RNF111: variants seen among roughly 807,000 people sequenced by gnomAD.
RNF111 encodes E3 ubiquitin-protein ligase Arkadia.
RNF111 carries 17 observed loss-of-function variants against 95.1 expected under a neutral mutation model. That is an observed-to-expected ratio of 0.18 (90% CI 0.12 to 0.27). The LOEUF (loss-of-function observed/expected upper bound fraction) is 0.27. Among genes scored for constraint, RNF111 ranks in the 10% least tolerant of loss-of-function variants. The probability of loss-of-function intolerance (pLI) is 1.00; values close to 1 mark genes in which losing one functional copy is unlikely to be tolerated. For missense variants in RNF111, 1,189 were observed against 1,210.4 expected (o/e 0.98, Z 0.26); for synonymous variants, 440 against 414.8 (o/e 1.06, Z -0.74).
intron 5 of RNF111, among the ~76,000 whole-genome samples, chr15:59,059,373 ATGTAGAGAAAT>A (rs2042337956): frequency 6.6e-6 from 1 of 152,202 alleles, no homozygotes; most frequent in Admixed American, 6.5e-5. Context: ...GTTGGCAAGG[ATGTAGAGAAAT>A]TGGAACCCTT....
chr15:59,043,729 G>A (rs571740078), intron 2 of RNF111, among the ~76,000 whole-genome samples: 1 of 152,146 alleles, frequency 6.6e-6, no homozygotes, highest in Admixed American at 6.5e-5. Context: ...AGAGTCATTT[G>A]CTTATACCTT....
At chr15:59,090,244 T>G (rs544557881) in intron 11 of RNF111, among the ~76,000 whole-genome samples, 40 of 150,968 alleles carry the variant, frequency 2.6e-4, no homozygotes, top group Admixed American at 7.9e-4. Flanking sequence ...TGTTGTTGTT[T>G]TTTTAGATGG....
intron 1 of RNF111, among the ~76,000 whole-genome samples, chr15:59,026,833 C>T (rs1350663932): frequency 6.6e-6 from 1 of 152,108 alleles, no homozygotes; most frequent in Non-Finnish European, 1.5e-5. Flanking sequence ...ATTAATTTTG[C>T]ATTTAATGAC....
At chr15:59,080,883 T>C in intron 7 of RNF111, 53 bp from the exon 8 acceptor site, 1 of 1,326,378 alleles carries the variant, frequency 7.5e-7, no homozygotes. Flanking sequence ...AATAGCAATA[T>C]ATGTTCAACT....
chr15:59,024,931 CTTG>C (rs1229431668), intron 1 of RNF111, among the ~76,000 whole-genome samples: 3 of 152,160 alleles, frequency 2.0e-5, no homozygotes, highest in Non-Finnish European at 2.9e-5. Context: ...CAATATTTGT[CTTG>C]TTGTGTCTTC....
intron 5 of RNF111, among the ~76,000 whole-genome samples, chr15:59,064,257 C>T (rs542544084): frequency 1.8e-4 from 27 of 152,096 alleles, no homozygotes; most frequent in African/African-American, 5.3e-4. Flanking sequence ...ATAATCTGGC[C>T]GGGCGTGGTG....
chr15:59,008,522 C>T (rs1327242549), intron 1 of RNF111, among the ~76,000 whole-genome samples: 2 of 152,122 alleles, frequency 1.3e-5, no homozygotes, highest in Non-Finnish European at 2.9e-5. Flanking sequence ...CTCAGCCTAC[C>T]ACCATTTGTT....
At chr15:59,060,048 T>C (rs1417117836) in intron 5 of RNF111, among the ~76,000 whole-genome samples, 3 of 152,152 alleles carry the variant, frequency 2.0e-5, no homozygotes, top group African/African-American at 7.2e-5. Flanking sequence ...CTCAAGGAGA[T>C]TTCCCAGGAG....
intron 5 of RNF111, among the ~76,000 whole-genome samples, 153 bp from the exon 6 acceptor site, chr15:59,066,611 A>G (rs918390031): frequency 6.6e-6 from 1 of 151,246 alleles, no homozygotes; most frequent in Non-Finnish European, 1.5e-5. Flanking sequence ...CTCCATCTCA[A>G]AAAAAAAAGA....
At chr15:59,053,474 A>G (rs568853032) in intron 3 of RNF111, among the ~76,000 whole-genome samples, 2 of 152,326 alleles carry the variant, frequency 1.3e-5, no homozygotes, top group Admixed American at 6.5e-5. Flanking sequence ...TTAAAAGTAT[A>G]TATTCATATT....
At chr15:59,052,164 T>G (rs974948738) in intron 2 of RNF111, 141 bp from the exon 3 acceptor site, 1 of 692,400 alleles carries the variant, frequency 1.4e-6, no homozygotes, top group Admixed American at 2.9e-5. Flanking sequence ...TCCTTGTGTA[T>G]TTTTTTAAAA....
Position 59,058,485 on chromosome 15 carries a change from C to A in RNF111, c.1301C>A (p.Pro434His), listed in dbSNP as rs1213989153. The A allele has an allele frequency of 2.5e-6, 4 of 1,613,982 alleles. No homozygotes were observed. The highest frequency in any genetic ancestry group is 1.3e-5 in the African/African-American group (1 of 74,916). ...DTASAVTSSQ[P>H]STVSETSATL... is the part of the protein sequence containing the mutation. The stretch of plus-strand genomic sequence containing the variant: ...GCTTCAGCTGTCACCAGTAGCCAAC[C>A]TTCCACAGTGTCAGAGACTTCAGCT... The change falls in exon 5 of 14, where the codon CCT (proline) becomes CAT (histidine). Residue 434 changes from proline (P) to histidine (H), a missense_variant. Pro to His is a moderately conservative substitution (Grantham distance 77, BLOSUM62 -2). This residue lies in a region of RNF111 where 1,024 missense variants were observed against 925.9 expected (regional missense o/e 1.11). Coordinates refer to ENST00000348370, the MANE Select transcript of RNF111 (RefSeq NM_017610.8).
chr15:59,038,834 G>A (rs1260514321), intron 2 of RNF111, among the ~76,000 whole-genome samples: 1 of 152,164 alleles, frequency 6.6e-6, no homozygotes. Flanking sequence ...GTCACAAATT[G>A]AGCTTGATCA....
At chr15:59,071,190 C>T (rs1269209975) in intron 6 of RNF111, among the ~76,000 whole-genome samples, 3 of 149,050 alleles carry the variant, frequency 2.0e-5, no homozygotes, top group African/African-American at 7.5e-5. Flanking sequence ...CCCAGCTACT[C>T]GGGAGGCTGA....
At chr15:59,059,908 T>G in intron 5 of RNF111, among the ~76,000 whole-genome samples, 1 of 152,372 alleles carries the variant, frequency 6.6e-6, no homozygotes, top group East Asian at 1.9e-4. Flanking sequence ...CCCTTTTTGC[T>G]TTTAATAATA....
intron 1 of RNF111, among the ~76,000 whole-genome samples, chr15:59,026,520 T>G (rs1052915099): frequency 1.3e-5 from 2 of 152,190 alleles, no homozygotes; most frequent in Non-Finnish European, 2.9e-5. Flanking sequence ...CGCATTTGCC[T>G]CCTTTGTAAA....
At chr15:59,055,916 A>T (rs2042182949) in intron 4 of RNF111, 71 bp downstream of exon 4, 1 of 1,249,720 alleles carries the variant, frequency 8.0e-7, no homozygotes, top group African/African-American at 1.5e-5. Context: ...AATATGCTAG[A>T]AACTCCTCCT....
rs2042670838 is a variant in RNF111, at chr15:59,066,674, T to A, written c.1367-90T>A. The A allele has an allele frequency of 2.9e-6, 3 of 1,017,080 alleles. No homozygotes were observed. The South Asian group carries it at 4.8e-5, about 16-fold the overall frequency. The allele number at this position is 1,017,080 out of a possible 1,614,324, so 63.0% of individuals were successfully genotyped here. A position where few individuals can be genotyped will look rare whatever the true frequency, so the allele number is the denominator to read the frequency against. On this transcript the variant is annotated intron_variant, in intron 5 of 13. Transcript: ENST00000348370. ...GATTTGAAATTACCGAACATTTCTT[T>A]AAACATTTATTATTTATACCCCATA...
chr15:59,084,200 A>G lies in RNF111; in HGVS notation c.2369A>G (p.His790Arg). ...HPNYGHGHHI[H>R]VPQTMSSHPR... The stretch of plus-strand genomic sequence containing the variant: ...AACTATGGTCATGGGCATCATATTC[A>G]TGTGCCTCAGACTATGTCCTCACAT... Residue 790 changes from histidine (H) to arginine (R), a missense_variant, in exon 9 of 14, where the codon CAT (histidine) becomes CGT (arginine). Physicochemically the swap from His to Arg is conservative, Grantham distance 29. Coordinates refer to ENST00000348370, the MANE Select transcript of RNF111 (RefSeq NM_017610.8). The G allele has an allele frequency of 6.2e-7, 1 of 1,601,610 alleles. No homozygotes were observed. Among genetic ancestry groups the G allele is most frequent in the Non-Finnish European group, 8.5e-7 (1 of 1,174,240 alleles).
Sources: allele counts gnomAD v4.1 joint callset (sites outside exome capture counted in the v4.1 genomes callset), GRCh38; gene constraint gnomAD v4.1.1; regional missense constraint gnomAD v4.1.1; transcripts MANE v1.5; gene names NCBI Gene and HGNC (gene_info 2026-07-23, HGNC 2026-07-21).